Variants in GALNTL6 observed in about 807,000 individuals in gnomAD.
GALNTL6 encodes polypeptide N-acetylgalactosaminyltransferase like 6.
In GALNTL6, 46 loss-of-function variants were observed where a neutral mutation model predicts 73.7. The observed-to-expected ratio is 0.62, with a 90% CI of 0.49 to 0.80. The LOEUF (loss-of-function observed/expected upper bound fraction) is 0.80. Among genes scored for constraint, GALNTL6 ranks in the 30% least tolerant of loss-of-function variants. GALNTL6 has a pLI of 0.00. For synonymous variants in GALNTL6, 259 were observed against 263.7 expected (o/e 0.98, Z 0.17); for missense variants, 604 against 755.0 (o/e 0.80, Z 2.34).
Position 172,176,114 on chromosome 4 carries a change from C to T in GALNTL6, c.139-53542C>T, listed in dbSNP as rs532715195. ...CAGCACTTTGGGAGGCCGAGGTGGG[C>T]GGATCACAAGGTCAGGAGATCGAGA... On this transcript the variant is annotated intron_variant, in intron 2 of 12. Transcript: ENST00000506823. Among the ~76,000 whole-genome samples the T allele has an allele frequency of 1.2e-4, 18 of 151,698 alleles. No individual in the cohort carries two copies. In the South Asian group the frequency reaches 2.9e-3, roughly 25 times the overall value.
rs145521378 is a variant in GALNTL6 at position 172,402,255 on chromosome 4, T to G, written c.553+53566T>G. On this transcript the variant is annotated intron_variant, in intron 5 of 12. Coordinates refer to ENST00000506823, the MANE Select transcript of GALNTL6 (RefSeq NM_001034845.3). ...CAATGAACTTAACACTGTGATGTTG[T>G]CCCTGTGATTACTAAAATGATTTTT... Among the ~76,000 whole-genome samples, 30 of 152,172 alleles carry G rather than the reference T, an allele frequency of 2.0e-4. No homozygotes were observed. In the East Asian group the frequency reaches 5.8e-3, roughly 29 times the overall value.
intron 7 of GALNTL6, among the ~76,000 whole-genome samples, chr4:172,862,652 A>G (rs1010949717): frequency 1.3e-5 from 2 of 152,132 alleles, no homozygotes; most frequent in Non-Finnish European, 2.9e-5. Flanking sequence ...GTGAGCCAAC[A>G]TCACAGTACT....
rs117034342 is a variant in GALNTL6 at position 173,011,676 on chromosome 4, G to A, written c.1488+2382G>A. On this transcript the variant is annotated intron_variant, in intron 11 of 12. Coordinates refer to ENST00000506823, the MANE Select transcript of GALNTL6 (RefSeq NM_001034845.3). ...CGTTCTTGGTACCTTTGTCAAAAATGAGTTGACTGTAGGTGTGTGGATTTG... is the reference window on the plus strand; with the variant it reads ...CGTTCTTGGTACCTTTGTCAAAAATAAGTTGACTGTAGGTGTGTGGATTTG... Among the ~76,000 whole-genome samples the A allele has an allele frequency of 8.5e-5, 13 of 152,266 alleles. No homozygotes were observed. In the East Asian group the frequency reaches 2.5e-3, roughly 29 times the overall value.
At chr4:172,586,112 G>A (rs982008673) in intron 5 of GALNTL6, among the ~76,000 whole-genome samples, 28 of 152,090 alleles carry the variant, frequency 1.8e-4, no homozygotes, top group African/African-American at 7.2e-5. Context: ...GATTCCTTAA[G>A]GATCTAGAAC....
chr4:172,358,376 G>C lies in GALNTL6; in HGVS notation c.553+9687G>C, dbSNP rs192682352. 1.5e-4 allele frequency among the ~76,000 whole-genome samples: 23 copies of C among 152,374 alleles called. No homozygotes were observed. In the East Asian group the frequency reaches 4.2e-3, roughly 28 times the overall value. ...AGCAGGTTACTCATTACTGCTTTGC[G>C]TAAGTTCATGCTTGAAGGGCTAAAC... is the stretch of plus-strand genomic sequence containing the variant. On this transcript the variant is annotated intron_variant, in intron 5 of 12. Transcript: ENST00000506823.
chr4:172,102,366 T>C (rs1404445559), intron 2 of GALNTL6, among the ~76,000 whole-genome samples: 2 of 152,184 alleles, frequency 1.3e-5, no homozygotes, highest in Admixed American at 1.3e-4. Flanking sequence ...ACTTTATACA[T>C]GAGAGCCATT....
intron 2 of GALNTL6, among the ~76,000 whole-genome samples, chr4:171,916,044 A>G (rs1200438145): frequency 6.6e-6 from 1 of 152,180 alleles, no homozygotes; most frequent in Non-Finnish European, 1.5e-5. Context: ...AGAAACATAC[A>G]TGAAGAGGCA....
At chr4:172,267,820 G>A (rs1738500700) in intron 3 of GALNTL6, among the ~76,000 whole-genome samples, 1 of 151,980 alleles carries the variant, frequency 6.6e-6, no homozygotes, top group Admixed American at 6.6e-5. Context: ...TGAATTCCAA[G>A]CAAAACTACA....
At chr4:171,963,413 T>C (rs1190994961) in intron 2 of GALNTL6, among the ~76,000 whole-genome samples, 1 of 152,182 alleles carries the variant, frequency 6.6e-6, no homozygotes, top group African/African-American at 2.4e-5. Context: ...AGAAAAGCTA[T>C]ATAGTTATTT....
rs1278313574 is a variant in GALNTL6 at position 172,568,750 on chromosome 4, T to A, written c.553+220061T>A. On this transcript the variant is annotated intron_variant, in intron 5 of 12. Transcript: ENST00000506823. ...TCCAGCCTGGGCCACAGAGCGAGAC[T>A]CCATCTCAAAAAAAAAAAAAAAAAA... Among the ~76,000 whole-genome samples the A allele has an allele frequency of 4.2e-5, 3 of 72,250 alleles. No homozygotes were observed. In the East Asian group the frequency reaches 1.4e-3, roughly 33 times the overall value. 47.4% of individuals were successfully genotyped at this position (72,250 alleles called of 152,430 possible). A position where few individuals can be genotyped will look rare whatever the true frequency, so the allele number is the denominator to read the frequency against.
intron 5 of GALNTL6, among the ~76,000 whole-genome samples, chr4:172,717,122 A>AT (rs1172082223): frequency 6.0e-5 from 3 of 50,008 alleles, no homozygotes; most frequent in Non-Finnish European, 2.1e-4. Flanking sequence ...TCTCTAAGTT[A>AT]CAAAAAATTC....
chr4:171,871,633 G>A (rs763348537), intron 2 of GALNTL6, among the ~76,000 whole-genome samples: 5 of 152,064 alleles, frequency 3.3e-5, no homozygotes, highest in Non-Finnish European at 7.4e-5. Context: ...ATGAATGTAA[G>A]AAAGCAATGG....
intron 3 of GALNTL6, among the ~76,000 whole-genome samples, chr4:172,273,397 C>T (rs1738722557): frequency 6.6e-6 from 1 of 152,024 alleles, no homozygotes; most frequent in Non-Finnish European, 1.5e-5. Flanking sequence ...AATATGTATG[C>T]AATGCCATGA....
chr4:172,548,601 C>T (rs964691441), intron 5 of GALNTL6, among the ~76,000 whole-genome samples: 3 of 152,184 alleles, frequency 2.0e-5, no homozygotes, highest in African/African-American at 7.2e-5. Context: ...ATTTTAGCCT[C>T]TATAAATATG....
intron 2 of GALNTL6, among the ~76,000 whole-genome samples, chr4:172,004,522 C>A (rs1740770957): frequency 6.6e-6 from 1 of 151,914 alleles, no homozygotes; most frequent in African/African-American, 2.4e-5. Flanking sequence ...TTTACCTGCT[C>A]AGTTTTACTA....
chr4:172,563,907 TAA>T (rs774072814), intron 5 of GALNTL6, among the ~76,000 whole-genome samples: 1 of 152,196 alleles, frequency 6.6e-6, no homozygotes, highest in Non-Finnish European at 1.5e-5. Context: ...TCTCAAATGA[TAA>T]GAGAGATGAT....
At chr4:171,823,815 A>C (rs1734747500) in intron 2 of GALNTL6, among the ~76,000 whole-genome samples, 1 of 151,354 alleles carries the variant, frequency 6.6e-6, no homozygotes, top group Non-Finnish European at 1.5e-5. Flanking sequence ...ACAAATAAAC[A>C]AGCAAGAGTG....
chr4:172,744,201 A>G (rs138281135), intron 5 of GALNTL6, among the ~76,000 whole-genome samples: 7 of 152,252 alleles, frequency 4.6e-5, no homozygotes, highest in African/African-American at 1.7e-4. Flanking sequence ...TCCATTTACC[A>G]TCTGACTTCT....
At chr4:172,189,431 C>T (rs10024530) in intron 2 of GALNTL6, among the ~76,000 whole-genome samples, 9,800 of 152,150 alleles carry the variant, frequency 0.064, 515 homozygotes, top group African/African-American at 0.15. Context: ...GAAACCCTGG[C>T]TACTCCTGGT....
Sources: gnomAD v4.1 joint callset for allele counts (sites outside exome capture counted in the v4.1 genomes callset) on GRCh38, gnomAD v4.1.1 for gene constraint, MANE v1.5 for transcripts, NCBI Gene and HGNC (gene_info 2026-07-23, HGNC 2026-07-21) for gene names.